TMEM62: variants seen among roughly 807,000 people sequenced by gnomAD.
TMEM62 encodes transmembrane protein 62.
Under a neutral mutation model 70.4 loss-of-function variants are expected in TMEM62, and 41 were observed. That is an observed-to-expected ratio of 0.58 (90% CI 0.45 to 0.76). The LOEUF is 0.76. Among genes scored for constraint, TMEM62 ranks in the 30% least tolerant of loss-of-function variants. The pLI, the probability that TMEM62 is intolerant of heterozygous loss-of-function variation, is 0.00. For synonymous variants in TMEM62, 268 were observed against 291.0 expected (o/e 0.92, Z 0.80); for missense variants, 688 against 788.5 (o/e 0.87, Z 1.53).
At chr15:43,167,724 C>T (rs960180451) in intron 10 of TMEM62, among the ~76,000 whole-genome samples, 4 of 152,278 alleles carry the variant, frequency 2.6e-5, no homozygotes, top group South Asian at 4.1e-4. Context: ...GACGGGGTGG[C>T]GGCCGGGTAG....
chr15:43,173,705 A>G (rs747023291), intron 11 of TMEM62, among the ~76,000 whole-genome samples: 1 of 152,154 alleles, frequency 6.6e-6, no homozygotes, highest in Non-Finnish European at 1.5e-5. Flanking sequence ...CAGCCATTCC[A>G]GGTCATAATG....
chr15:43,135,325 G>A (rs1205595332), intron 2 of TMEM62, among the ~76,000 whole-genome samples, 187 bp from the exon 3 acceptor site: 1 of 152,152 alleles, frequency 6.6e-6, no homozygotes, highest in Non-Finnish European at 1.5e-5. Context: ...AAGAAACAAA[G>A]TCCTTGCTGA....
Position 43,137,744 on chromosome 15 carries a change from A to G in TMEM62, c.431-830A>G, listed in dbSNP as rs1361760442. 6.6e-5 allele frequency among the ~76,000 whole-genome samples: 10 copies of G among 152,382 alleles called. No homozygotes were observed. In the East Asian group the frequency reaches 1.7e-3, roughly 26 times the overall value. ...GGACAGCCTCCATGGAAGGCTGGTC[A>G]TACCAGAGTCCCACCTTGGCACAGG... On this transcript the variant is annotated intron_variant, in intron 3 of 13. Coordinates refer to ENST00000260403, the MANE Select transcript of TMEM62 (RefSeq NM_024956.4).
chr15:43,148,692 T>G, intron 5 of TMEM62, 63 bp from the exon 6 acceptor site: 1 of 1,571,072 alleles, frequency 6.4e-7, no homozygotes, highest in Non-Finnish European at 8.6e-7. Context: ...TTTTCTAATC[T>G]GTTGACATTA....
upstream of TMEM62, chr15:43,133,580 C>T (rs188511601): frequency 1.1e-3 from 407 of 373,198 alleles, 1 homozygote; most frequent in African/African-American, 8.1e-3. Context: ...CAAAACGAGC[C>T]CAGTCACTTG....
chr15:43,175,860 T>C (rs7182685), intron 11 of TMEM62, among the ~76,000 whole-genome samples: 10,389 of 152,140 alleles, frequency 0.068, 1,171 homozygotes, highest in African/African-American at 0.23. Context: ...GCACCGTGCG[T>C]GAGCCGAAGC....
intron 11 of TMEM62, among the ~76,000 whole-genome samples, chr15:43,171,317 C>A (rs1339406874): frequency 6.7e-6 from 1 of 150,210 alleles, no homozygotes; most frequent in Non-Finnish European, 1.5e-5. Context: ...GCTTGGGCAA[C>A]AGAGCGAGAC....
chr15:43,167,800 C>T (rs1052122426), intron 10 of TMEM62, among the ~76,000 whole-genome samples: 11 of 152,128 alleles, frequency 7.2e-5, no homozygotes, highest in South Asian at 2.1e-4. Context: ...TGTAGCGAGC[C>T]GAGATCACGC....
chr15:43,161,218 G>T (rs972839516), intron 10 of TMEM62, among the ~76,000 whole-genome samples: 7 of 152,102 alleles, frequency 4.6e-5, no homozygotes, highest in African/African-American at 1.4e-4. Context: ...AAAATTAAAG[G>T]TTAGTTATTT....
At chr15:43,162,819 T>A (rs1417886794) in intron 10 of TMEM62, among the ~76,000 whole-genome samples, 3 of 152,162 alleles carry the variant, frequency 2.0e-5, no homozygotes, top group Non-Finnish European at 4.4e-5. Context: ...TGCTTGTAAC[T>A]AAGTTTTTAG....
rs1210462632 is a variant in TMEM62, at chr15:43,148,793, C to T, written c.657C>T (p.Ser219=). 6 of 1,613,934 alleles carry T rather than the reference C, an allele frequency of 3.7e-6. No homozygotes were observed. The highest frequency in any genetic ancestry group is 5.1e-6 in the Non-Finnish European group (6 of 1,179,988). The stretch of plus-strand genomic sequence containing the variant: ...AGCTCTTATTACTGGCCAAGGAAAG[C>T]AGTCGGAGCAACCATACAATTTGGT... ...MEELLLLAKE[S]SRSNHTIWFG... Residue 219 remains serine (S), a synonymous_variant, in exon 6 of 14, where the codon AGC becomes AGT. Coordinates refer to ENST00000260403, the MANE Select transcript of TMEM62 (RefSeq NM_024956.4).
intron 3 of TMEM62, among the ~76,000 whole-genome samples, chr15:43,136,843 A>G (rs2035291172): frequency 6.6e-6 from 1 of 152,016 alleles, no homozygotes; most frequent in African/African-American, 2.4e-5. Context: ...CCTTGACCTG[A>G]GCTTAAATGA....
At chr15:43,148,177 T>C (rs2036907524) in intron 5 of TMEM62, among the ~76,000 whole-genome samples, 1 of 152,210 alleles carries the variant, frequency 6.6e-6, no homozygotes, top group South Asian at 2.1e-4. Context: ...TTTTGTTTGT[T>C]CTAAAATTTT....
intron 10 of TMEM62, chr15:43,169,107 G>A (rs1005256182): frequency 1.7e-4 from 26 of 155,714 alleles, no homozygotes; most frequent in African/African-American, 6.3e-4. Flanking sequence ...GTACTGTGTT[G>A]TCTACGCTTT....
chr15:43,164,649 T>G (rs1255247952), intron 10 of TMEM62, among the ~76,000 whole-genome samples: 1 of 152,118 alleles, frequency 6.6e-6, no homozygotes, highest in Non-Finnish European at 1.5e-5. Context: ...CGTGAATCAC[T>G]GTGCCTAGAC....
Position 43,184,579 on chromosome 15 carries a change from GCTC to G in TMEM62, c.1928_1930del (p.Ser643del). The G allele has an allele frequency of 6.2e-7, 1 of 1,608,672 alleles. No homozygotes were observed. The highest frequency in any genetic ancestry group is 1.7e-5 in the Admixed American group (1 of 59,996). Reference sequence around the variant, plus strand: ...ATGGTGCAGTTAAAAAGCCACCTGAGCTCCTGAAGGCCATGTCTCACCACTGGC... The same window carrying G: ...ATGGTGCAGTTAAAAAGCCACCTGAGCTGAAGGCCATGTCTCACCACTGGC... On this transcript the variant is annotated inframe_deletion, in exon 14 of 14. Transcript: ENST00000260403.
At chr15:43,149,448 A>T (rs994309578) in intron 7 of TMEM62, among the ~76,000 whole-genome samples, 7 of 152,088 alleles carry the variant, frequency 4.6e-5, no homozygotes, top group African/African-American at 1.7e-4. Context: ...AAAAATTTTC[A>T]GGCGCTGCCT....
chr15:43,178,748 A>C (rs779529992), intron 12 of TMEM62, 37 bp downstream of exon 12: 1 of 1,312,358 alleles, frequency 7.6e-7, no homozygotes, highest in Non-Finnish European at 1.1e-6. Flanking sequence ...GAATTTTGCC[A>C]AAGAATATAT....
At chr15:43,161,641 T>TTTTG (rs1382088143) in intron 10 of TMEM62, among the ~76,000 whole-genome samples, 1 of 152,114 alleles carries the variant, frequency 6.6e-6, no homozygotes, top group Non-Finnish European at 1.5e-5. Flanking sequence ...TATATATGTA[T>TTTTG]TTTGTTTGTT....
Sources: gnomAD v4.1 joint callset for allele counts (sites outside exome capture counted in the v4.1 genomes callset) on GRCh38, gnomAD v4.1.1 for gene constraint, MANE v1.5 for transcripts, NCBI Gene and HGNC (gene_info 2026-07-23, HGNC 2026-07-21) for gene names.